Variants in NCOA1 observed in about 807,000 individuals in gnomAD.
NCOA1 encodes nuclear receptor coactivator 1.
NCOA1 carries 35 observed loss-of-function variants against 150.9 expected under a neutral mutation model. That is an observed-to-expected ratio of 0.23 (90% CI 0.18 to 0.31). The LOEUF is 0.31. NCOA1 is among the 10% of genes least tolerant of loss of function. The pLI is 1.00. For missense variants in NCOA1, 1,491 were observed against 1,749.3 expected (o/e 0.85, Z 2.63); for synonymous variants, 590 against 630.0 (o/e 0.94, Z 0.95).
intron 20 of NCOA1, among the ~76,000 whole-genome samples, chr2:24,756,518 CTG>C (rs1664508690): frequency 6.6e-6 from 1 of 152,090 alleles, no homozygotes; most frequent in South Asian, 2.1e-4. Context: ...CTACTGGAAA[CTG>C]TAAATGTCAG....
Position 24,707,491 on chromosome 2 carries a change from G to T in NCOA1, c.2021G>T (p.Gly674Val), listed in dbSNP as rs1463038049. ...SNSASANSSG[G>V]SCPSSHSSLT... ...TCTGCCTCTGCTAACTCTTCAGGAG[G>T]TTCTTGTCCCTCTTCTCATAGCTCA... Residue 674 changes from glycine to valine, a missense_variant, in exon 13 of 23, where the codon GGT (glycine) becomes GTT (valine). Gly to Val is a moderately radical substitution (Grantham distance 109). This residue lies in a region of NCOA1 where 703 missense variants were observed against 717.7 expected (regional missense o/e 0.98). Transcript: ENST00000348332. 3.7e-6 allele frequency: 6 copies of T among 1,614,192 alleles called. No homozygotes were observed. The highest frequency in any genetic ancestry group is 5.1e-6 in the Non-Finnish European group (6 of 1,180,040).
At chr2:24,727,759 G>C (rs1335916963) in intron 15 of NCOA1, among the ~76,000 whole-genome samples, 1 of 152,088 alleles carries the variant, frequency 6.6e-6, no homozygotes, top group African/African-American at 2.4e-5. Flanking sequence ...ATAATTTGTT[G>C]CTTAATACCT....
chr2:24,729,883 CTAGTGTGGCTAGTGTGCAG>C, intron 17 of NCOA1, 68 bp downstream of exon 17: 1 of 1,471,442 alleles, frequency 6.8e-7, no homozygotes, highest in Non-Finnish European at 9.1e-7. Context: ...TGTCACCAGG[CTAGTGTGGCTAGTGTGCAG>C]TAGTGCTATC....
chr2:24,603,142 A>G (rs1266505689), intron 3 of NCOA1, among the ~76,000 whole-genome samples: 3 of 152,148 alleles, frequency 2.0e-5, no homozygotes, highest in African/African-American at 7.2e-5. Flanking sequence ...CGTTTATGCT[A>G]TACCGTAGTC....
At chr2:24,529,256 C>A (rs1020482192) in intron 1 of NCOA1, among the ~76,000 whole-genome samples, 161 of 152,304 alleles carry the variant, frequency 1.1e-3, no homozygotes, top group African/African-American at 3.7e-3. Context: ...TGGGACTGAG[C>A]ACTGAGGCAG....
intron 1 of NCOA1, among the ~76,000 whole-genome samples, chr2:24,552,969 C>T (rs2148229331): frequency 6.6e-6 from 1 of 152,232 alleles, no homozygotes; most frequent in African/African-American, 2.4e-5. Flanking sequence ...TAAAATCCAT[C>T]TTCTGGCTTT....
At chr2:24,688,745 T>C (rs765689806) in intron 8 of NCOA1, among the ~76,000 whole-genome samples, 16 of 152,240 alleles carry the variant, frequency 1.1e-4, no homozygotes, top group Non-Finnish European at 1.5e-4. Flanking sequence ...CAGATGATCT[T>C]ATATTTAGGT....
intron 19 of NCOA1, among the ~76,000 whole-genome samples, chr2:24,745,588 A>G (rs1268596172): frequency 6.6e-6 from 1 of 152,118 alleles, no homozygotes; most frequent in Non-Finnish European, 1.5e-5. Context: ...ACTACAATAA[A>G]ATCCTCTTCC....
At chr2:24,710,282 C>T (rs1214923663) in intron 13 of NCOA1, among the ~76,000 whole-genome samples, 5 of 151,830 alleles carry the variant, frequency 3.3e-5, no homozygotes, top group South Asian at 2.1e-4. Context: ...TTAGTAGAGA[C>T]GGGGTTGCCA....
chr2:24,558,992 T>C (rs775829661), intron 1 of NCOA1, among the ~76,000 whole-genome samples: 26 of 152,252 alleles, frequency 1.7e-4, no homozygotes, highest in Admixed American at 4.6e-4. Flanking sequence ...TATCTGGGCA[T>C]GCTCAGGTTA....
At chr2:24,642,050 ATG>A (rs1288226652) in intron 3 of NCOA1, among the ~76,000 whole-genome samples, 34 of 97,976 alleles carry the variant, frequency 3.5e-4, no homozygotes, top group Admixed American at 3.0e-3. Context: ...GCGCGTGCGT[ATG>A]TGTGTGTGTA....
At chr2:24,501,016 CT>C (rs1663438847) in intron 1 of NCOA1, among the ~76,000 whole-genome samples, 1 of 152,050 alleles carries the variant, frequency 6.6e-6, no homozygotes, top group Non-Finnish European at 1.5e-5. Context: ...GTATAAAAAT[CT>C]TTTAAAAGAG....
rs772970404 is a variant in NCOA1, at chr2:24,768,516, CAAAAAAA to C, written c.*144_*150del. Reference sequence around the variant, plus strand: ...ATTCTTCAGGTCGTAGCATTTGGAGCAAAAAAAAAAAAAAAAAAAAAAAAAGGAGTTT... The same window carrying C: ...ATTCTTCAGGTCGTAGCATTTGGAGCAAAAAAAAAAAAAAAAAAGGAGTTT... On this transcript the variant is annotated 3_prime_UTR_variant, in exon 23 of 23. Coordinates refer to ENST00000348332, the MANE Select transcript of NCOA1 (RefSeq NM_003743.5). The C allele has an allele frequency of 5.5e-3, 305 of 55,138 alleles. 2 individuals are homozygous for C. The highest frequency in any genetic ancestry group is 0.033 in the East Asian group (121 of 3,626). The allele number at this position is 55,138 out of a possible 1,614,324, so 3.4% of individuals were successfully genotyped here. A position where few individuals can be genotyped will look rare whatever the true frequency, so the allele number is the denominator to read the frequency against.
At chr2:24,681,063 T>A (rs369873621) in intron 7 of NCOA1, among the ~76,000 whole-genome samples, 21 of 144,702 alleles carry the variant, frequency 1.5e-4, no homozygotes, top group Non-Finnish European at 1.2e-4. Context: ...CATTTTCACA[T>A]AAAAAAAAAA....
intron 8 of NCOA1, among the ~76,000 whole-genome samples, chr2:24,683,995 A>G (rs1442202660): frequency 6.6e-6 from 1 of 152,220 alleles, no homozygotes; most frequent in Non-Finnish European, 1.5e-5. Flanking sequence ...AATTTACCAC[A>G]CATCAGTTTT....
At chr2:24,492,095 G>A (rs1183581173) in intron 1 of NCOA1, 1 of 152,168 alleles carries the variant, frequency 6.6e-6, no homozygotes, top group Non-Finnish European at 1.5e-5. Context: ...GGGGGCGACC[G>A]CGGCGTCCCT....
chr2:24,673,071 T>A (rs1040562597), intron 6 of NCOA1, among the ~76,000 whole-genome samples: 1 of 152,232 alleles, frequency 6.6e-6, no homozygotes, highest in Non-Finnish European at 1.5e-5. Flanking sequence ...ATGGACTTTT[T>A]AAAAAGGCAA....
At position 24,730,824 on chromosome 2, in the gene NCOA1, G is replaced by A. The variant is rs1407000998; in HGVS notation, c.3201+1009G>A. On this transcript the variant is annotated intron_variant, in intron 17 of 22. Coordinates refer to ENST00000348332, the MANE Select transcript of NCOA1 (RefSeq NM_003743.5). ...GTGGATCACTTGAGGTTAGGAGTTC[G>A]AGACCAGCGTGGCCAACATGATGAA... Among the ~76,000 whole-genome samples, 19 of 138,172 alleles carry A rather than the reference G, an allele frequency of 1.4e-4. No individual in the cohort carries two copies. The Admixed American group carries it at 1.5e-3, about 11-fold the overall frequency. The allele number at this position is 138,172 out of a possible 152,430, so 90.6% of individuals were successfully genotyped here.
intron 4 of NCOA1, among the ~76,000 whole-genome samples, chr2:24,649,270 C>T (rs1374565288): frequency 6.6e-6 from 1 of 152,062 alleles, no homozygotes; most frequent in African/African-American, 2.4e-5. Flanking sequence ...GTGCAAATGA[C>T]AAAGCAAAAT....
Sources: gnomAD v4.1 joint callset for allele counts (sites outside exome capture counted in the v4.1 genomes callset) on GRCh38, gnomAD v4.1.1 for gene constraint, gnomAD v4.1.1 regional missense constraint, MANE v1.5 for transcripts, NCBI Gene and HGNC (gene_info 2026-07-23, HGNC 2026-07-21) for gene names.